Variants in TTC27 observed in about 807,000 individuals in gnomAD.
The protein encoded by TTC27 is tetratricopeptide repeat protein 27.
A neutral mutation model predicts 115.9 loss-of-function variants in TTC27; 79 were observed. The observed-to-expected ratio is 0.68, with a 90% CI of 0.57 to 0.82. TTC27 has a LOEUF of 0.82. Ranked by LOEUF, TTC27 falls within the 40% of genes least tolerant of loss-of-function variation. The probability of loss-of-function intolerance (pLI) is 0.00; values close to 1 mark genes in which losing one functional copy is unlikely to be tolerated. For missense variants in TTC27, 1,054 were observed against 993.1 expected (o/e 1.06, Z -0.82); for synonymous variants, 401 against 356.0 (o/e 1.13, Z -1.42).
chr2:32,739,182 T>C (rs1668543761), intron 12 of TTC27, among the ~76,000 whole-genome samples: 1 of 152,202 alleles, frequency 6.6e-6, no homozygotes, highest in Non-Finnish European at 1.5e-5. Flanking sequence ...TATCTTGACT[T>C]CCAGTCTGAT....
chr2:32,696,127 A>G lies in TTC27; in HGVS notation c.1120-6680A>G, dbSNP rs1666978237. Among the ~76,000 whole-genome samples, 6 of 149,276 alleles carry G rather than the reference A, an allele frequency of 4.0e-5. No homozygotes were observed. In the South Asian group the frequency reaches 1.3e-3, roughly 31 times the overall value. ...TGACAGAGCGAGACTCTACCTCAAA[A>G]AAAAAAAAAAAATAATTGTTCTTTT... is the stretch of plus-strand genomic sequence containing the variant. On this transcript the variant is annotated intron_variant, in intron 9 of 19. Transcript: ENST00000317907.
intron 9 of TTC27, among the ~76,000 whole-genome samples, chr2:32,681,649 C>T (rs936100400): frequency 1.8e-4 from 26 of 140,686 alleles, no homozygotes; most frequent in Non-Finnish European, 2.3e-4. Context: ...AGATATTCAG[C>T]TTTTTTTTTT....
At chr2:32,691,480 G>T (rs942648560) in intron 9 of TTC27, among the ~76,000 whole-genome samples, 1 of 151,780 alleles carries the variant, frequency 6.6e-6, no homozygotes, top group Non-Finnish European at 1.5e-5. Flanking sequence ...TGTATTTTTA[G>T]TAGAGACGGG....
At chr2:32,746,333 G>A (rs1043478902) in intron 12 of TTC27, among the ~76,000 whole-genome samples, 6 of 151,822 alleles carry the variant, frequency 4.0e-5, no homozygotes, top group African/African-American at 9.7e-5. Flanking sequence ...AGGCCGAGAC[G>A]GGTGGATTAC....
intron 18 of TTC27, among the ~76,000 whole-genome samples, chr2:32,813,476 TC>T (rs1009434735): frequency 1.4e-4 from 21 of 152,224 alleles, no homozygotes; most frequent in African/African-American, 4.8e-4. Flanking sequence ...ATTTAACTTC[TC>T]TGAGCCTTAC....
At chr2:32,696,756 T>A (rs1270145438) in intron 9 of TTC27, among the ~76,000 whole-genome samples, 1 of 152,204 alleles carries the variant, frequency 6.6e-6, no homozygotes, top group Non-Finnish European at 1.5e-5. Flanking sequence ...GAATACTATA[T>A]TTAATTTGGA....
At position 32,664,336 on chromosome 2, in the gene TTC27, C is replaced by T; in HGVS notation, c.674C>T (p.Ser225Leu). The T allele has an allele frequency of 6.2e-7, 1 of 1,607,804 alleles. No homozygotes were observed. Among genetic ancestry groups the T allele is most frequent in the Non-Finnish European group, 8.5e-7 (1 of 1,176,788 alleles). ...CTACAGAATCTGTTTGTAGATGATT[C>T]AGGTCGATATTTGGCTATTCAATTC... ...MKLQNLFVDD[S>L]GRYLAIQFHL... is the part of the protein sequence containing the mutation. The change falls in exon 6 of 20, where the codon TCA becomes TTA. Residue 225 changes from serine (S) to leucine (L), a missense_variant. Ser to Leu is a moderately radical substitution (Grantham distance 145, BLOSUM62 -2). Transcript: ENST00000317907.
intron 9 of TTC27, among the ~76,000 whole-genome samples, chr2:32,680,840 A>C (rs1666396443): frequency 6.6e-6 from 1 of 152,184 alleles, no homozygotes; most frequent in Non-Finnish European, 1.5e-5. Context: ...CACTCTTTTT[A>C]CATTCAAACA....
intron 12 of TTC27, among the ~76,000 whole-genome samples, chr2:32,754,800 G>A (rs532727912): frequency 1.5e-4 from 21 of 141,714 alleles, no homozygotes; most frequent in African/African-American, 3.9e-4. Flanking sequence ...CCTCCCGGAC[G>A]GGGCGGCTGG....
At chr2:32,672,008 G>T (rs1031784498) in intron 7 of TTC27, among the ~76,000 whole-genome samples, 1 of 152,164 alleles carries the variant, frequency 6.6e-6, no homozygotes, top group Non-Finnish European at 1.5e-5. Flanking sequence ...CTGCAGAGGG[G>T]CTTTTGCATA....
intron 8 of TTC27, among the ~76,000 whole-genome samples, chr2:32,673,291 C>A (rs554273704): frequency 1.4e-5 from 2 of 146,900 alleles, no homozygotes; most frequent in East Asian, 2.0e-4. Flanking sequence ...ATGGCACAAT[C>A]TTGGCTCATT....
Position 32,787,493 on chromosome 2 carries a change from A to G in TTC27, c.1998+344A>G, listed in dbSNP as rs1460056180. 2.6e-5 allele frequency among the ~76,000 whole-genome samples: 4 copies of G among 152,210 alleles called. No individual in the cohort carries two copies. The East Asian group carries it at 7.7e-4, about 29-fold the overall frequency. On this transcript the variant is annotated intron_variant, in intron 16 of 19. Transcript: ENST00000317907. ...TGTTCTCTGACTTTTGGTAGCTGGA[A>G]TAAATCCTATACTCACTTGTTCATT...
rs570873072 is a variant in TTC27, at chr2:32,712,530, C to T, written c.1233+9610C>T. Among the ~76,000 whole-genome samples, 87 of 151,992 alleles carry T rather than the reference C, an allele frequency of 5.7e-4. 2 individuals are homozygous for T. Among genetic ancestry groups the T allele is most frequent in the Admixed American group, 5.2e-3 (79 of 15,250 alleles). On this transcript the variant is annotated intron_variant, in intron 10 of 19. Coordinates refer to ENST00000317907, the MANE Select transcript of TTC27 (RefSeq NM_017735.5). ...TCTATCGTCATTCTGCCTTTCCTTC[C>T]GCATCTGATCTAAATTCTTTTTTTT...
intron 9 of TTC27, among the ~76,000 whole-genome samples, chr2:32,696,307 T>G (rs538264880): frequency 6.6e-6 from 1 of 151,718 alleles, no homozygotes; most frequent in East Asian, 1.9e-4. Context: ...TTTTATTTTT[T>G]GAGACAGAGT....
intron 9 of TTC27, among the ~76,000 whole-genome samples, chr2:32,695,863 C>T (rs969384919): frequency 4.6e-5 from 7 of 151,032 alleles, no homozygotes; most frequent in African/African-American, 9.7e-5. Flanking sequence ...GAGATGGCGC[C>T]GTCGCACTCT....
intron 1 of TTC27, among the ~76,000 whole-genome samples, chr2:32,628,642 T>A (rs2063531423): frequency 6.6e-6 from 1 of 152,246 alleles, no homozygotes; most frequent in South Asian, 2.1e-4. Context: ...CTCAGTCATT[T>A]AATGCTTATA....
At chr2:32,762,960 A>T (rs1669499421) in intron 13 of TTC27, among the ~76,000 whole-genome samples, 1 of 152,174 alleles carries the variant, frequency 6.6e-6, no homozygotes, top group Non-Finnish European at 1.5e-5. Flanking sequence ...GTTTTTAGCC[A>T]TGGCAATTCT....
At chr2:32,673,999 C>A (rs1038203632) in intron 8 of TTC27, among the ~76,000 whole-genome samples, 3 of 152,046 alleles carry the variant, frequency 2.0e-5, no homozygotes, top group East Asian at 3.9e-4. Context: ...AATACAAATT[C>A]TTTGAAAGGT....
At chr2:32,668,560 C>CCCTTCCTTCCTT (rs1553547640) in intron 7 of TTC27, among the ~76,000 whole-genome samples, 163 of 15,968 alleles carry the variant, frequency 0.01, 9 homozygotes, top group Middle Eastern at 0.062. Flanking sequence ...CTCCCTCCCT[C>CCCTTCCTTCCTT]CCTTCCTTCC....
Sources: gnomAD v4.1 joint callset for allele counts (sites outside exome capture counted in the v4.1 genomes callset) on GRCh38, gnomAD v4.1.1 for gene constraint, MANE v1.5 for transcripts, NCBI Gene and HGNC (gene_info 2026-07-23, HGNC 2026-07-21) for gene names.